UGT2B7: variants seen among roughly 807,000 people sequenced by gnomAD.
UGT2B7 encodes UDP-glucuronosyltransferase 2B7.
In UGT2B7, 51 loss-of-function variants were observed where a neutral mutation model predicts 51.9. The ratio of observed to expected loss-of-function variants is 0.98; its 90% confidence interval spans 0.78 to 1.24. The LOEUF is 1.24. Among genes scored for constraint, UGT2B7 ranks in the 50% most tolerant of loss-of-function variants. The probability of loss-of-function intolerance (pLI) is 0.00; values close to 1 mark genes in which losing one functional copy is unlikely to be tolerated. For synonymous variants in UGT2B7, 225 were observed against 211.6 expected, an observed-to-expected ratio of 1.06 and a Z score of -0.55; for missense variants, 727 against 628.4, an observed-to-expected ratio of 1.16 and a Z score of -1.68.
intron 2 of UGT2B7, among the ~76,000 whole-genome samples, chr4:69,089,890 C>T (rs147939345): frequency 6.6e-6 from 1 of 152,044 alleles, no homozygotes; most frequent in Admixed American, 6.6e-5. Flanking sequence ...ATCTTAAGTC[C>T]TGTGCTGACT....
At chr4:69,112,393 G>A in intron 5 of UGT2B7, 64 bp from the exon 6 acceptor site, 1 of 1,554,592 alleles carries the variant, frequency 6.4e-7, no homozygotes, top group Non-Finnish European at 8.7e-7. Flanking sequence ...CTTTAACTCG[G>A]TGTCTGAGGG....
chr4:69,096,206 G>A (rs891043190), upstream of UGT2B7, among the ~76,000 whole-genome samples: 3 of 152,108 alleles, frequency 2.0e-5, no homozygotes, highest in Admixed American at 6.6e-5. Flanking sequence ...ATCTGTCACT[G>A]CTACTGTTCT....
intron 2 of UGT2B7, among the ~76,000 whole-genome samples, chr4:69,090,461 C>CT (rs1401530604): frequency 8.0e-6 from 1 of 124,640 alleles, no homozygotes; most frequent in Non-Finnish European, 1.6e-5. Flanking sequence ...ACTTCTTTTT[C>CT]TTTTTTAATT....
At chr4:69,094,679 C>T (rs1449599538), upstream of UGT2B7, among the ~76,000 whole-genome samples, 3 of 152,160 alleles carry the variant, frequency 2.0e-5, no homozygotes, top group Non-Finnish European at 4.4e-5. Context: ...CTTAGCATGG[C>T]TGTGGCAATT....
chr4:69,108,844 C>G (rs1427899989), intron 5 of UGT2B7, among the ~76,000 whole-genome samples: 1 of 152,056 alleles, frequency 6.6e-6, no homozygotes, highest in Non-Finnish European at 1.5e-5. Flanking sequence ...ATCACTATTA[C>G]ATAATTTTAG....
chr4:69,103,058 A>G (rs776525452), intron 3 of UGT2B7, 120 bp downstream of exon 3: 276 of 1,503,560 alleles, frequency 1.8e-4, no homozygotes, highest in Non-Finnish European at 2.4e-4. Flanking sequence ...AAAAATTAGA[A>G]CAAGGATAAT....
chr4:69,101,483 A>G (rs990496102), intron 2 of UGT2B7, among the ~76,000 whole-genome samples: 1 of 152,108 alleles, frequency 6.6e-6, no homozygotes, highest in Admixed American at 6.6e-5. Flanking sequence ...CACTGGGTGG[A>G]TAAATAAGGC....
At chr4:69,055,540 C>T (rs1036600601) in intron 1 of UGT2B7, among the ~76,000 whole-genome samples, 14 of 152,108 alleles carry the variant, frequency 9.2e-5, no homozygotes, top group Admixed American at 9.2e-4. Context: ...TATCCAGAAC[C>T]AGTATTTCAG....
At chr4:69,072,909 T>C (rs1718630481) in intron 1 of UGT2B7, among the ~76,000 whole-genome samples, 2 of 152,300 alleles carry the variant, frequency 1.3e-5, no homozygotes, top group South Asian at 4.1e-4. Context: ...CTTCAGACAC[T>C]GAATCTTGGC....
At chr4:69,084,598 C>T (rs1718908488) in intron 1 of UGT2B7, among the ~76,000 whole-genome samples, 1 of 151,976 alleles carries the variant, frequency 6.6e-6, no homozygotes, top group Admixed American at 6.6e-5. Flanking sequence ...GGTATTTGTC[C>T]TAATGCTCTC....
intron 1 of UGT2B7, among the ~76,000 whole-genome samples, chr4:69,076,554 T>C (rs1175683169): frequency 6.6e-6 from 1 of 152,236 alleles, no homozygotes; most frequent in African/African-American, 2.4e-5. Context: ...CTTTTTTTCA[T>C]ATGTTTGTTG....
At chr4:69,064,112 A>AAGAGAGAGAAAGAAAGAAAGAAAGAAAG (rs754723956) in intron 1 of UGT2B7, among the ~76,000 whole-genome samples, 1 of 86,800 alleles carries the variant, frequency 1.2e-5, no homozygotes, top group Non-Finnish European at 2.2e-5. Context: ...GAAAGAAAGA[A>AAGAGAGAGAAAGAAAGAAAGAAAGAAAG]AAAGAAAGAA....
At chr4:69,089,043 T>C (rs1719026675) in intron 1 of UGT2B7, among the ~76,000 whole-genome samples, 1 of 152,152 alleles carries the variant, frequency 6.6e-6, no homozygotes, top group African/African-American at 2.4e-5. Flanking sequence ...TCTTTTTAGC[T>C]CTGGTGAATT....
chr4:69,103,759 G>A lies in UGT2B7; in HGVS notation c.1002+821G>A, dbSNP rs748493856. On this transcript the variant is annotated intron_variant, in intron 3 of 5. Coordinates refer to ENST00000305231, the MANE Select transcript of UGT2B7 (RefSeq NM_001074.4). ...TTATTGTACTCTGGAAGCTCTTGGT[G>A]AATGTTTACGATTATGGGATGTAGT... Among the ~76,000 whole-genome samples the A allele has an allele frequency of 2.6e-5, 4 of 152,126 alleles. No homozygotes were observed. The South Asian group carries it at 6.2e-4, about 24-fold the overall frequency.
rs140934646 is a variant in UGT2B7 at position 69,078,078 on chromosome 4, C to G, written c.-158-11394C>G. Reference sequence around the variant, plus strand: ...TGTTTTTTGTTTTTTTTCATTGGTTCTTTTTATGTCATGGATTCCTTTTTT... The same window carrying G: ...TGTTTTTTGTTTTTTTTCATTGGTTGTTTTTATGTCATGGATTCCTTTTTT... On this transcript the variant is annotated intron_variant, in intron 1 of 5. Transcript: ENST00000502942. Among the ~76,000 whole-genome samples the G allele has an allele frequency of 1.8e-4, 27 of 151,306 alleles. No homozygotes were observed. In the East Asian group the frequency reaches 5.1e-3, roughly 28 times the overall value.
In UGT2B7 at chr4:69,112,739, A is replaced by G. The variant is rs752033415; in HGVS notation, c.*3A>G. On this transcript the variant is annotated 3_prime_UTR_variant, in exon 6 of 6. Coordinates refer to ENST00000305231, the MANE Select transcript of UGT2B7 (RefSeq NM_001074.4). ...CAAAGAAGGGAAAAAATGATTAGTT[A>G]TATCTGAGATTTGAAGCTGGAAAAC... The G allele has an allele frequency of 3.7e-6, 6 of 1,613,314 alleles. No homozygotes were observed. Among genetic ancestry groups the G allele is most frequent in the South Asian group, 1.1e-5 (1 of 91,026 alleles).
chr4:69,098,274 TTTATGA>T (rs1719305343), intron 1 of UGT2B7, among the ~76,000 whole-genome samples: 1 of 152,026 alleles, frequency 6.6e-6, no homozygotes, highest in Admixed American at 6.6e-5. Context: ...TTAATAATTG[TTTATGA>T]TTATGAGCAT....
At chr4:69,088,442 T>C (rs1219416663) in intron 1 of UGT2B7, among the ~76,000 whole-genome samples, 1 of 152,090 alleles carries the variant, frequency 6.6e-6, no homozygotes, top group Non-Finnish European at 1.5e-5. Flanking sequence ...ACGGAGCATC[T>C]GAACCTTAAT....
chr4:69,075,996 T>C (rs1718695811), intron 1 of UGT2B7, among the ~76,000 whole-genome samples: 1 of 152,104 alleles, frequency 6.6e-6, no homozygotes, highest in East Asian at 1.9e-4. Context: ...GTTCTCACTG[T>C]TCAGCTCCCA....
Sources: gnomAD v4.1 joint callset for allele counts (sites outside exome capture counted in the v4.1 genomes callset) on GRCh38, gnomAD v4.1.1 for gene constraint, MANE v1.5 for transcripts, NCBI Gene and HGNC (gene_info 2026-07-23, HGNC 2026-07-21) for gene names.